The following SH3GLB2 variants were observed in gnomAD, a reference collection of about 807,000 sequenced individuals.
The protein encoded by SH3GLB2 is SH3 domain containing GRB2 like, endophilin B2.
SH3GLB2 carries 24 observed loss-of-function variants against 48.0 expected under a neutral mutation model. The observed-to-expected ratio is 0.50, with a 90% CI of 0.36 to 0.70. The LOEUF is 0.70. Ranked by LOEUF, SH3GLB2 falls within the 30% of genes least tolerant of loss-of-function variation. The pLI is 0.00. For missense variants in SH3GLB2, 425 were observed against 516.0 expected (o/e 0.82, Z 1.71); for synonymous variants, 227 against 207.6 (o/e 1.09, Z -0.80).
rs143313641 is a variant in SH3GLB2, at chr9:129,009,764, C to T, written c.839+7G>A. ...CCCCAGTGGGTTCAGCAGTGCTGGC[C>T]CCGCACCTGCCCAGCTGCTTCTGCA... On this transcript the variant is annotated splice_region_variant and intron_variant, in intron 9 of 10. Coordinates refer to ENST00000372564, the MANE Select transcript of SH3GLB2 (RefSeq NM_020145.4). The T allele has an allele frequency of 7.8e-4, 1,254 of 1,609,318 alleles. 19 individuals carry two copies. In the East Asian group the frequency reaches 0.025, roughly 32 times the overall value.
In SH3GLB2 at chr9:129,026,342, T is replaced by G. The variant is rs540536016; in HGVS notation, c.63+1750A>C. Among the ~76,000 whole-genome samples, 15 of 152,308 alleles carry G rather than the reference T, an allele frequency of 9.8e-5. No homozygotes were observed. In the East Asian group the frequency reaches 2.9e-3, roughly 29 times the overall value. On this transcript the variant is annotated intron_variant, in intron 1 of 10. Coordinates refer to ENST00000372564, the MANE Select transcript of SH3GLB2 (RefSeq NM_020145.4). ...TGACTGTCTCCCATCCAGGCCAGCT[T>G]GGTCTCAGGCGGAGCCCCTCTGTGG...
In SH3GLB2 at chr9:129,009,757, TGCTG is replaced by T; in HGVS notation, c.839+10_839+13del. The T allele has an allele frequency of 6.2e-7, 1 of 1,606,066 alleles. No individual in the cohort carries two copies. The highest frequency in any genetic ancestry group is 2.2e-5 in the East Asian group (1 of 44,586). Reference sequence around the variant, plus strand: ...CAGGGGGCCCCAGTGGGTTCAGCAGTGCTGGCCCCGCACCTGCCCAGCTGCTTCT... The same window carrying T: ...CAGGGGGCCCCAGTGGGTTCAGCAGTGCCCCGCACCTGCCCAGCTGCTTCT... On this transcript the variant is annotated intron_variant, in intron 9 of 10. Transcript: ENST00000372564.
chr9:129,009,012 A>G, intron 10 of SH3GLB2, 94 bp downstream of exon 10: 1 of 1,565,296 alleles, frequency 6.4e-7, no homozygotes, highest in Non-Finnish European at 8.6e-7. Context: ...CACTTTGCCA[A>G]CAGGGCCCCT....
chr9:129,026,649 T>TGCCTA (rs1454090061), intron 1 of SH3GLB2, among the ~76,000 whole-genome samples: 4 of 149,986 alleles, frequency 2.7e-5, no homozygotes, highest in Non-Finnish European at 5.9e-5. Context: ...GGCCCTGCCC[T>TGCCTA]GCCTAGGTCC....
chr9:129,018,031 G>A (rs1450950003), intron 3 of SH3GLB2, among the ~76,000 whole-genome samples: 2 of 152,062 alleles, frequency 1.3e-5, no homozygotes, highest in Non-Finnish European at 2.9e-5. Flanking sequence ...AGTGGAGCTT[G>A]CAGTGAGCCC....
At chr9:129,022,484 T>G (rs1588335762) in intron 1 of SH3GLB2, 61 bp from the exon 2 acceptor site, 42 of 1,274,982 alleles carry the variant, frequency 3.3e-5, no homozygotes, top group South Asian at 8.1e-5. Flanking sequence ...GGTGGGGGAG[T>G]GGTGGGGAAA....
intron 1 of SH3GLB2, among the ~76,000 whole-genome samples, chr9:129,027,141 C>T (rs1242856038): frequency 6.6e-6 from 1 of 152,204 alleles, no homozygotes; most frequent in Non-Finnish European, 1.5e-5. Flanking sequence ...CACGGTGTTA[C>T]ACCAGATTTA....
At chr9:129,010,845 G>A (rs1480466570) in intron 6 of SH3GLB2, 152 bp from the exon 7 acceptor site, 5 of 908,818 alleles carry the variant, frequency 5.5e-6, no homozygotes, top group South Asian at 5.0e-5. Context: ...ACTGGGCCGA[G>A]GCCCGGCATG....
intron 3 of SH3GLB2, 106 bp downstream of exon 3, chr9:129,020,985 G>T: frequency 8.5e-7 from 1 of 1,182,752 alleles, no homozygotes; most frequent in Admixed American, 2.9e-5. Context: ...ATGAATTCAG[G>T]TATTATTTGT....
intron 3 of SH3GLB2, among the ~76,000 whole-genome samples, chr9:129,017,624 G>T (rs748262720): frequency 6.6e-6 from 1 of 151,938 alleles, no homozygotes; most frequent in Non-Finnish European, 1.5e-5. Flanking sequence ...AAATACGCCG[G>T]GTGTGATGGC....
At position 129,014,885 on chromosome 9, in the gene SH3GLB2, C is replaced by T. The variant is rs754420458; in HGVS notation, c.354G>A (p.Val118=). The change falls in exon 4 of 11, where the codon GTG becomes GTA. Residue 118 remains valine, a synonymous_variant. Transcript: ENST00000372564. This position sits in a 1 kb window ranked among gnomAD's most constrained non-coding sequence, Gnocchi z 4.1. ...CTCCCAGTTGCTTTTCAGCTTCTGC[C>T]ACCTTGATCAGTGTCTTCCCTGAGA... ...TTPYGKTLIK[V]AEAEKQLGAA... 3.1e-6 allele frequency: 5 copies of T among 1,613,926 alleles called. No individual in the cohort carries two copies. The highest frequency in any genetic ancestry group is 2.2e-5 in the East Asian group (1 of 44,874).
In SH3GLB2 at chr9:129,014,457, C is replaced by T. The variant is rs1286496419; in HGVS notation, c.515G>A (p.Cys172Tyr). The T allele has an allele frequency of 6.4e-7, 1 of 1,550,826 alleles. No individual in the cohort carries two copies. The highest frequency in any genetic ancestry group is 8.7e-7 in the Non-Finnish European group (1 of 1,147,118). The change falls in exon 5 of 11, where the codon TGC (cysteine) becomes TAC (tyrosine). Residue 172 changes from cysteine to tyrosine, a missense_variant. By Grantham distance (194) the Cys-to-Tyr change is radical. Coordinates refer to ENST00000372564, the MANE Select transcript of SH3GLB2 (RefSeq NM_020145.4). The surrounding 1 kb of genome is among the most constrained non-coding windows in gnomAD (Gnocchi z 4.1). ...LQNRRLDLDA[C>Y]KARLKKAKAA... ...CTTGGCCTTCTTCAGCCTCGCTTTG[C>T]AGGCATCCAAGTCCAGACGCCGGTT...
chr9:129,020,053 A>C (rs574035084), intron 3 of SH3GLB2, among the ~76,000 whole-genome samples: 1 of 151,504 alleles, frequency 6.6e-6, no homozygotes, highest in East Asian at 2.0e-4. Flanking sequence ...AAAATACAAA[A>C]AAGTTAGCCA....
chr9:129,013,070 A>G (rs1232539785), intron 5 of SH3GLB2: 9 of 1,550,094 alleles, frequency 5.8e-6, no homozygotes, highest in Non-Finnish European at 7.9e-6. Flanking sequence ...ACAAAGAGTT[A>G]GTGAGTCCAC....
intron 1 of SH3GLB2, among the ~76,000 whole-genome samples, chr9:129,025,427 G>A (rs1334593320): frequency 2.6e-5 from 4 of 151,730 alleles, no homozygotes; most frequent in Non-Finnish European, 2.9e-5. Flanking sequence ...TTAGCCAGGA[G>A]TGGTGGCAGG....
intron 2 of SH3GLB2, 71 bp from the exon 3 acceptor site, chr9:129,021,290 CA>C: frequency 2.0e-6 from 3 of 1,484,650 alleles, no homozygotes; most frequent in Non-Finnish European, 2.7e-6. Flanking sequence ...GAAACAGACC[CA>C]GACCCGGCCC....
At chr9:129,012,190 G>A in intron 6 of SH3GLB2, 46 bp downstream of exon 6, 1 of 1,180,862 alleles carries the variant, frequency 8.5e-7, no homozygotes, top group South Asian at 3.9e-5. Flanking sequence ...GTGGGACGTG[G>A]GGAGAGAGGA....
At position 129,008,553 on chromosome 9, in the gene SH3GLB2, G is replaced by A; in HGVS notation, c.*131C>T. 1.4e-6 allele frequency: 1 copy of A among 695,860 alleles called. No homozygotes were observed. Among genetic ancestry groups the A allele is most frequent in the Non-Finnish European group, 2.5e-6 (1 of 400,084 alleles). 43.1% of individuals were successfully genotyped at this position (695,860 alleles called of 1,614,324 possible). Reference sequence around the variant, plus strand: ...AGGCACCCTCACAGCTAGGTGACTAGGGGCAGGGACAGAATGGGGTGAATT... The same window carrying A: ...AGGCACCCTCACAGCTAGGTGACTAAGGGCAGGGACAGAATGGGGTGAATT... On this transcript the variant is annotated 3_prime_UTR_variant, in exon 11 of 11. Transcript: ENST00000372564.
Position 129,019,173 on chromosome 9 carries a change from C to T in SH3GLB2, c.334+1918G>A, listed in dbSNP as rs1387708939. ...AGGCCAAGGTGGGAGGTCACTTCAG[C>T]TTAGGAGTTTGAGATCAGCCTGGGC... On this transcript the variant is annotated intron_variant, in intron 3 of 10. Transcript: ENST00000372564. Among the ~76,000 whole-genome samples, 3 of 151,380 alleles carry T rather than the reference C, an allele frequency of 2.0e-5. No homozygotes were observed. The South Asian group carries it at 6.2e-4, about 31-fold the overall frequency.
Sources: allele counts gnomAD v4.1 joint callset (sites outside exome capture counted in the v4.1 genomes callset), GRCh38; gene constraint gnomAD v4.1.1; non-coding constraint Gnocchi (gnomAD v3.1); transcripts MANE v1.5; gene names NCBI Gene and HGNC (gene_info 2026-07-23, HGNC 2026-07-21).